ANKS6: variants seen among roughly 807,000 people sequenced by gnomAD.
ANKS6 encodes ankyrin repeat and sterile alpha motif domain containing 6, also known as ankyrin repeat and SAM domain-containing protein 6.
In ANKS6, 47 loss-of-function variants were observed where a neutral mutation model predicts 77.9. The observed-to-expected ratio is 0.60, with a 90% CI of 0.48 to 0.77. The LOEUF is 0.77. ANKS6 is among the 30% of genes least tolerant of loss of function. The probability of loss-of-function intolerance (pLI) is 0.00; values close to 1 mark genes in which losing one functional copy is unlikely to be tolerated. For missense variants in ANKS6, 1,150 were observed against 1,159.1 expected, an observed-to-expected ratio of 0.99 and a Z score of 0.11; for synonymous variants, 488 against 501.7, an observed-to-expected ratio of 0.97 and a Z score of 0.37.
intron 5 of ANKS6, among the ~76,000 whole-genome samples, chr9:98,782,120 T>C (rs2118114758): frequency 1.3e-5 from 2 of 152,332 alleles, no homozygotes; most frequent in Middle Eastern, 6.8e-3. Context: ...GGACTTTATG[T>C]TTCCACCTGA....
At position 98,784,268 on chromosome 9, in the gene ANKS6, G is replaced by A. The variant is rs1247274682; in HGVS notation, c.908-111C>T. The A allele has an allele frequency of 8.0e-6, 8 of 1,002,898 alleles. No homozygotes were observed. In the East Asian group the frequency reaches 8.5e-5, roughly 11 times the overall value. The allele number at this position is 1,002,898 out of a possible 1,614,324, so 62.1% of individuals were successfully genotyped here. ...CTGGCCCTGCTCTGCCTCTGCAGTGGGCTGCTGGGCATCATAGGGGATACT... is the reference window on the plus strand; with the variant it reads ...CTGGCCCTGCTCTGCCTCTGCAGTGAGCTGCTGGGCATCATAGGGGATACT... On this transcript the variant is annotated intron_variant, in intron 3 of 14. Transcript: ENST00000353234.
chr9:98,735,229 G>C lies in ANKS6; in HGVS notation c.*1290C>G. 1 of 986,700 alleles carries C rather than the reference G, an allele frequency of 1.0e-6. No homozygotes were observed. The highest frequency in any genetic ancestry group is 1.2e-6 in the Non-Finnish European group (1 of 830,870). The allele number at this position is 986,700 out of a possible 1,614,324, so 61.1% of individuals were successfully genotyped here. A position where few individuals can be genotyped will look rare whatever the true frequency, so the allele number is the denominator to read the frequency against. On this transcript the variant is annotated 3_prime_UTR_variant, in exon 15 of 15. Coordinates refer to ENST00000353234, the MANE Select transcript of ANKS6 (RefSeq NM_173551.5). ...CATCTGAACTTTGAACCTGAGTCCAGAGCACAAGGTCTGCCCACTCTACCA... is the reference window on the plus strand; with the variant it reads ...CATCTGAACTTTGAACCTGAGTCCACAGCACAAGGTCTGCCCACTCTACCA...
chr9:98,783,436 A>T, intron 4 of ANKS6: 1 of 152,420 alleles, frequency 6.6e-6, no homozygotes. Context: ...CGAGGCCTCC[A>T]GGAGGATGAC....
At chr9:98,757,520 T>C (rs2117936788) in intron 11 of ANKS6, among the ~76,000 whole-genome samples, 1 of 152,364 alleles carries the variant, frequency 6.6e-6, no homozygotes, top group South Asian at 2.1e-4. Context: ...GCCCATTCAG[T>C]GCATCGTTAT....
chr9:98,789,035 C>CTTTT (rs111230371), intron 2 of ANKS6, among the ~76,000 whole-genome samples: 1 of 137,284 alleles, frequency 7.3e-6, no homozygotes. Flanking sequence ...TGGTGTATTT[C>CTTTT]TTTTTTTTTT....
At position 98,782,507 on chromosome 9, in the gene ANKS6, T is replaced by C. The variant is rs1834329030; in HGVS notation, c.1179A>G (p.Gly393=). The change falls in exon 5 of 15, where the codon GGA becomes GGG. Residue 393 remains glycine, a synonymous_variant. Coordinates refer to ENST00000353234, the MANE Select transcript of ANKS6 (RefSeq NM_173551.5). Reference sequence around the variant, plus strand: ...GCATCACCAGGTCAAAGGCCGTGTATCCATTTTTTGCACGAAGAGTGACAT... The same window carrying C: ...GCATCACCAGGTCAAAGGCCGTGTACCCATTTTTTGCACGAAGAGTGACAT... The part of the protein sequence containing the change: ...GADVTLRAKN[G]YTAFDLVMLL... 2 of 1,614,082 alleles carry C rather than the reference T, an allele frequency of 1.2e-6. No individual in the cohort carries two copies. Among genetic ancestry groups the C allele is most frequent in the Non-Finnish European group, 1.7e-6 (2 of 1,180,036 alleles).
At chr9:98,740,910 CTG>C (rs1396792545) in intron 14 of ANKS6, among the ~76,000 whole-genome samples, 1 of 152,160 alleles carries the variant, frequency 6.6e-6, no homozygotes, top group Non-Finnish European at 1.5e-5. Context: ...AAAAAACAAA[CTG>C]ATAGTAATAC....
At chr9:98,793,622 G>A (rs1588426014) in intron 1 of ANKS6, among the ~76,000 whole-genome samples, 1 of 151,972 alleles carries the variant, frequency 6.6e-6, no homozygotes, top group South Asian at 2.1e-4. Context: ...CCAGGTTCAA[G>A]CGATTCTCCT....
In ANKS6 at chr9:98,735,723, G is replaced by A. The variant is rs1831461498; in HGVS notation, c.*796C>T. On this transcript the variant is annotated 3_prime_UTR_variant, in exon 15 of 15. Transcript: ENST00000353234. ...TAAGGAAACTGAAAGCTAGGAAGAAGAAGGGATCCACACAGCAGGCCTCCA... is the reference window on the plus strand; with the variant it reads ...TAAGGAAACTGAAAGCTAGGAAGAAAAAGGGATCCACACAGCAGGCCTCCA... 8.1e-7 allele frequency: 1 copy of A among 1,231,568 alleles called. No individual in the cohort carries two copies. Among genetic ancestry groups the A allele is most frequent in the East Asian group, 3.2e-5 (1 of 31,696 alleles). The allele number at this position is 1,231,568 out of a possible 1,614,324, so 76.3% of individuals were successfully genotyped here.
chr9:98,786,189 G>GGC (rs1193340686), intron 2 of ANKS6, among the ~76,000 whole-genome samples: 2 of 152,140 alleles, frequency 1.3e-5, no homozygotes, highest in Non-Finnish European at 2.9e-5. Flanking sequence ...ATGTTGGCCA[G>GGC]GCTGGTCTCA....
intron 2 of ANKS6, among the ~76,000 whole-genome samples, chr9:98,789,428 TAAAAAAA>T (rs11437180): frequency 2.3e-5 from 3 of 129,994 alleles, no homozygotes; most frequent in Non-Finnish European, 3.2e-5. Flanking sequence ...GGCAAGAAGT[TAAAAAAA>T]AAAAAAAAAA....
chr9:98,769,682 G>C (rs2118023398), intron 10 of ANKS6, among the ~76,000 whole-genome samples: 1 of 152,324 alleles, frequency 6.6e-6, no homozygotes, highest in East Asian at 1.9e-4. Flanking sequence ...GACTGCCTGG[G>C]TTTGGATCCT....
intron 11 of ANKS6, among the ~76,000 whole-genome samples, chr9:98,766,055 G>A (rs1039424496): frequency 3.9e-5 from 6 of 152,090 alleles, no homozygotes; most frequent in African/African-American, 1.4e-4. Context: ...AGACCCTCCC[G>A]AGAGCCTCAT....
intron 14 of ANKS6, among the ~76,000 whole-genome samples, chr9:98,739,162 G>C (rs1315443793): frequency 6.6e-6 from 1 of 151,838 alleles, no homozygotes. Flanking sequence ...CTACATATAG[G>C]GGGCAGTGTA....
Position 98,745,555 on chromosome 9 carries a change from G to A in ANKS6, c.2511+4C>T, listed in dbSNP as rs1362108337. On this transcript the variant is annotated splice_donor_region_variant and intron_variant, in intron 14 of 14. Transcript: ENST00000353234. ...ACGGAAATACAAGAAACAGAGAACG[G>A]TACCTTGCCTGCGTTCAGTTCAGAA... 3.1e-6 allele frequency: 5 copies of A among 1,609,090 alleles called. No individual in the cohort carries two copies. In the Admixed American group the frequency reaches 8.3e-5, roughly 27 times the overall value.
At chr9:98,790,748 GC>G in intron 1 of ANKS6, 142 bp from the exon 2 acceptor site, 1 of 1,194,280 alleles carries the variant, frequency 8.4e-7, no homozygotes, top group Non-Finnish European at 1.2e-6. Flanking sequence ...CACTGTGCCA[GC>G]CACATGGATG....
chr9:98,735,592 C>T lies in ANKS6; in HGVS notation c.*927G>A. ...ACCAGAGACCTTTACACAATGTGAC[C>T]CATTAGCCTTCTGCTTCCACTTTCA... On this transcript the variant is annotated 3_prime_UTR_variant, in exon 15 of 15. Transcript: ENST00000353234. 1 of 1,231,252 alleles carries T rather than the reference C, an allele frequency of 8.1e-7. No homozygotes were observed. The highest frequency in any genetic ancestry group is 3.2e-5 in the East Asian group (1 of 31,704). The allele number at this position is 1,231,252 out of a possible 1,614,324, so 76.3% of individuals were successfully genotyped here.
At chr9:98,744,313 G>T (rs868248996) in intron 14 of ANKS6, among the ~76,000 whole-genome samples, 6 of 152,126 alleles carry the variant, frequency 3.9e-5, no homozygotes, top group African/African-American at 1.4e-4. Context: ...TCCAATCCTG[G>T]CAGGGCTGAG....
chr9:98,765,896 A>G (rs1350170121), intron 11 of ANKS6, among the ~76,000 whole-genome samples: 1 of 152,188 alleles, frequency 6.6e-6, no homozygotes, highest in East Asian at 1.9e-4. Flanking sequence ...AATTTTTACT[A>G]AGGTTATCTT....
Sources: allele counts gnomAD v4.1 joint callset (sites outside exome capture counted in the v4.1 genomes callset), GRCh38; gene constraint gnomAD v4.1.1; transcripts MANE v1.5; gene names NCBI Gene and HGNC (gene_info 2026-07-23, HGNC 2026-07-21).